DOCK1: variants seen among roughly 807,000 people sequenced by gnomAD.
DOCK1 encodes dedicator of cytokinesis protein 1.
Under a neutral mutation model 262.7 loss-of-function variants are expected in DOCK1, and 138 were observed. The observed-to-expected ratio is 0.53, with a 90% CI of 0.46 to 0.61. DOCK1 has a LOEUF of 0.61. Ranked by LOEUF, DOCK1 falls within the 20% of genes least tolerant of loss-of-function variation. The pLI is 0.00. For synonymous variants in DOCK1, 866 were observed against 867.4 expected, an observed-to-expected ratio of 1.00 and a Z score of 0.03; for missense variants, 1,908 against 2,370.7, an observed-to-expected ratio of 0.80 and a Z score of 4.05.
intron 40 of DOCK1, among the ~76,000 whole-genome samples, chr10:127,408,122 T>C (rs2067627583): frequency 6.6e-6 from 1 of 152,066 alleles, no homozygotes; most frequent in Admixed American, 6.6e-5. Flanking sequence ...GAGGACTGTG[T>C]CACACTCAGG....
At chr10:127,046,511 T>C (rs1234871793) in intron 21 of DOCK1, among the ~76,000 whole-genome samples, 4 of 152,082 alleles carry the variant, frequency 2.6e-5, no homozygotes, top group African/African-American at 9.7e-5. Flanking sequence ...CCTTGCACTT[T>C]GGGAGGCTGA....
chr10:127,421,299 C>G (rs1372831592), intron 46 of DOCK1, among the ~76,000 whole-genome samples: 1 of 152,080 alleles, frequency 6.6e-6, no homozygotes, highest in African/African-American at 2.4e-5. Context: ...AATGAGACGT[C>G]TTAGAGTGGA....
rs114479275 is a variant in DOCK1 at position 127,385,194 on chromosome 10, G to A, written c.3927+285G>A. On this transcript the variant is annotated intron_variant, in intron 38 of 51. Transcript: ENST00000623213. Reference sequence around the variant, plus strand: ...GGAACACTGATTCGGAGGTGTTTCCGTGCCCACAGAGCTAATGTATTCCTT... The same window carrying A: ...GGAACACTGATTCGGAGGTGTTTCCATGCCCACAGAGCTAATGTATTCCTT... Among the ~76,000 whole-genome samples the A allele has an allele frequency of 5.2e-3, 789 of 152,210 alleles. 5 individuals carry two copies. The highest frequency in any genetic ancestry group is 0.018 in the African/African-American group (756 of 41,544).
intron 27 of DOCK1, 139 bp from the exon 28 acceptor site, chr10:127,247,869 G>A (rs890458204): frequency 2.7e-6 from 2 of 729,642 alleles, no homozygotes; most frequent in South Asian, 1.8e-5. Context: ...TGAGAGAGGG[G>A]CAGCAGAACC....
chr10:127,261,275 G>GTA (rs1564944956), intron 29 of DOCK1, among the ~76,000 whole-genome samples: 1 of 118,702 alleles, frequency 8.4e-6, no homozygotes, highest in African/African-American at 3.4e-5. Flanking sequence ...GTGTGTGTGT[G>GTA]CCTGCATGTG....
intron 27 of DOCK1, among the ~76,000 whole-genome samples, chr10:127,186,503 A>ACCCCCCCCCCCCCCCCCCCCCCC (rs1564883520): frequency 5.3e-5 from 1 of 18,746 alleles, no homozygotes; most frequent in Non-Finnish European, 1.4e-4. Flanking sequence ...GCATGGGAGA[A>ACCCCCCCCCCCCCCCCCCCCCCC]ACCGCCCCCC....
intron 38 of DOCK1, among the ~76,000 whole-genome samples, chr10:127,399,347 C>G (rs2067092058): frequency 6.6e-6 from 1 of 152,118 alleles, no homozygotes; most frequent in African/African-American, 2.4e-5. Context: ...ATTGAATCTG[C>G]CTTCTCTCTG....
chr10:127,031,193 G>A lies in DOCK1; in HGVS notation c.1625-457G>A, dbSNP rs771752326. On this transcript the variant is annotated intron_variant, in intron 16 of 51. Coordinates refer to ENST00000623213, the MANE Select transcript of DOCK1 (RefSeq NM_001290223.2). ...GGTCTGCCCCTTCCCAGCCTCTGTC[G>A]TTTACTGTGGCCTCTTGTTTCCAGG... Among the ~76,000 whole-genome samples the A allele has an allele frequency of 2.1e-4, 32 of 152,200 alleles. 1 individual carries two copies. The highest frequency in any genetic ancestry group is 2.9e-4 in the African/African-American group (12 of 41,456).
intron 1 of DOCK1, among the ~76,000 whole-genome samples, chr10:126,912,741 AAAAG>A (rs2031990594): frequency 1.3e-5 from 2 of 151,678 alleles, no homozygotes; most frequent in African/African-American, 4.8e-5. Flanking sequence ...AAAAAAAAAA[AAAAG>A]AAAGAAAGGA....
At chr10:127,048,264 C>T (rs1007775046) in intron 21 of DOCK1, among the ~76,000 whole-genome samples, 15 of 152,150 alleles carry the variant, frequency 9.9e-5, no homozygotes, top group Non-Finnish European at 2.1e-4. Context: ...ACTGATGATA[C>T]TGAGTACCTG....
At chr10:127,218,283 T>C (rs2058295451) in intron 27 of DOCK1, among the ~76,000 whole-genome samples, 1 of 152,242 alleles carries the variant, frequency 6.6e-6, no homozygotes. Flanking sequence ...ATTTCCTTTT[T>C]ACACCAGCAA....
chr10:126,984,670 A>G (rs372900774), intron 4 of DOCK1, among the ~76,000 whole-genome samples: 1 of 152,182 alleles, frequency 6.6e-6, no homozygotes, highest in East Asian at 1.9e-4. Flanking sequence ...CACCCGGCCA[A>G]AAAATTATTT....
chr10:127,000,671 G>A (rs147944756), intron 10 of DOCK1: 329 of 177,844 alleles, frequency 1.8e-3, no homozygotes, highest in African/African-American at 7.3e-3. Context: ...AAGCAACGAA[G>A]AAGAGGAAGA....
At chr10:127,409,268 T>C (rs2067705625) in intron 41 of DOCK1, 45 bp from the exon 42 acceptor site, 1 of 1,613,008 alleles carries the variant, frequency 6.2e-7, no homozygotes, top group Non-Finnish European at 8.5e-7. Context: ...TCTCTCATGG[T>C]TGATGTCTAT....
At chr10:127,026,329 A>C (rs1227345383) in intron 15 of DOCK1, 23 bp from the exon 16 acceptor site, 1 of 1,554,206 alleles carries the variant, frequency 6.4e-7, no homozygotes, top group Non-Finnish European at 8.7e-7. Context: ...ACAGTGCTTA[A>C]ACTTCTTTTT....
chr10:127,344,727 A>C (rs2063558548), intron 31 of DOCK1: 2 of 152,212 alleles, frequency 1.3e-5, no homozygotes, highest in Non-Finnish European at 2.9e-5. Context: ...TCTGGTGCTC[A>C]GCCAGTAGTG....
At chr10:127,179,806 G>A (rs2055551695) in intron 27 of DOCK1, among the ~76,000 whole-genome samples, 3 of 152,274 alleles carry the variant, frequency 2.0e-5, no homozygotes, top group South Asian at 2.1e-4. Flanking sequence ...ATGTACATAC[G>A]TTACAGTGTA....
intron 35 of DOCK1, among the ~76,000 whole-genome samples, chr10:127,377,538 A>G (rs1425597271): frequency 6.6e-6 from 1 of 152,160 alleles, no homozygotes; most frequent in Non-Finnish European, 1.5e-5. Context: ...TTTCTTACAA[A>G]ACACAGTTAG....
chr10:127,327,256 CAATA>C (rs1177180093), intron 29 of DOCK1, among the ~76,000 whole-genome samples: 13 of 152,166 alleles, frequency 8.5e-5, no homozygotes, highest in African/African-American at 3.1e-4. Flanking sequence ...TGACATATTC[CAATA>C]TAAGGTGGTT....
Sources: gnomAD v4.1 joint callset for allele counts (sites outside exome capture counted in the v4.1 genomes callset) on GRCh38, gnomAD v4.1.1 for gene constraint, MANE v1.5 for transcripts, NCBI Gene and HGNC (gene_info 2026-07-23, HGNC 2026-07-21) for gene names.